AKAP10: variants seen among roughly 807,000 people sequenced by gnomAD.
AKAP10 encodes the protein A-kinase anchor protein 10, mitochondrial.
AKAP10 carries 24 observed loss-of-function variants against 80.8 expected under a neutral mutation model. The observed-to-expected ratio is 0.30, with a 90% confidence interval of 0.22 to 0.42. The LOEUF is 0.42. Ranked by LOEUF, AKAP10 falls within the 10% of genes least tolerant of loss-of-function variation. AKAP10 has a pLI of 1.00. For synonymous variants in AKAP10, 291 were observed against 277.7 expected (o/e 1.05, Z -0.48); for missense variants, 661 against 794.9 (o/e 0.83, Z 2.03).
chr17:19,941,877 G>A lies in AKAP10; in HGVS notation c.1010C>T (p.Pro337Leu). The change falls in exon 6 of 15, where the codon CCC (proline) becomes CTC (leucine). Residue 337 changes from proline (P) to leucine (L), a missense_variant. Pro to Leu is a moderately conservative substitution (Grantham distance 98, BLOSUM62 -3). Coordinates refer to ENST00000225737, the MANE Select transcript of AKAP10 (RefSeq NM_007202.4). ...RICGEDGQVD[P>L]NCFVLAQSIV... ...GGACTGTGCCAAAACGAAACAGTTG[G>A]GATCCACCTGTCCATCTTCTCCACA... is the stretch of plus-strand genomic sequence containing the variant. The A allele has an allele frequency of 6.2e-7, 1 of 1,610,714 alleles. No individual in the cohort carries two copies. The highest frequency in any genetic ancestry group is 8.5e-7 in the Non-Finnish European group (1 of 1,178,504).
intron 3 of AKAP10, among the ~76,000 whole-genome samples, chr17:19,962,046 G>A (rs1387778707): frequency 6.6e-6 from 1 of 152,190 alleles, no homozygotes; most frequent in African/African-American, 2.4e-5. Context: ...TGCCCAGGAG[G>A]TGAAGGCTGC....
At chr17:19,961,079 C>T (rs1305570439) in intron 3 of AKAP10, among the ~76,000 whole-genome samples, 1 of 144,442 alleles carries the variant, frequency 6.9e-6, no homozygotes, top group African/African-American at 2.6e-5. Flanking sequence ...CAGTAGCTCA[C>T]GCCCGTAATC....
chr17:19,951,582 T>A (rs1414723257), intron 4 of AKAP10, among the ~76,000 whole-genome samples: 1 of 152,140 alleles, frequency 6.6e-6, no homozygotes, highest in East Asian at 1.9e-4. Flanking sequence ...ATGCTGTTAA[T>A]CTATAACCTT....
chr17:19,962,518 T>A (rs1447337160), intron 3 of AKAP10, among the ~76,000 whole-genome samples: 1 of 152,220 alleles, frequency 6.6e-6, no homozygotes, highest in Non-Finnish European at 1.5e-5. Flanking sequence ...TTAAAAAATA[T>A]GCTAATGTGT....
At chr17:19,940,828 CAT>C in intron 7 of AKAP10, 57 bp downstream of exon 7, 1 of 1,513,240 alleles carries the variant, frequency 6.6e-7, no homozygotes, top group South Asian at 1.4e-5. Flanking sequence ...AGGGCCCCAG[CAT>C]TGATAGTTAG....
At chr17:19,937,105 G>GA (rs35718069) in intron 8 of AKAP10, among the ~76,000 whole-genome samples, 21 of 144,976 alleles carry the variant, frequency 1.4e-4, no homozygotes, top group Non-Finnish European at 2.1e-4. Flanking sequence ...TTAAATGCGA[G>GA]AAAAAAAAAA....
chr17:19,952,284 T>C (rs8064839), intron 4 of AKAP10, among the ~76,000 whole-genome samples: 1 of 151,684 alleles, frequency 6.6e-6, no homozygotes, highest in Non-Finnish European at 1.5e-5. Context: ...GCTAACATGG[T>C]GAAAATCCGT....
At chr17:19,958,859 T>C (rs1316057985) in intron 3 of AKAP10, among the ~76,000 whole-genome samples, 1 of 135,262 alleles carries the variant, frequency 7.4e-6, no homozygotes, top group African/African-American at 3.5e-5. Context: ...TTTTTTTTTT[T>C]TTTTTTTTTG....
intron 1 of AKAP10, 58 bp downstream of exon 1, chr17:19,977,534 T>C: frequency 1.7e-6 from 2 of 1,205,724 alleles, no homozygotes; most frequent in Non-Finnish European, 2.1e-6. Flanking sequence ...CAGGCCCACC[T>C]GCCCCACCGC....
intron 1 of AKAP10, among the ~76,000 whole-genome samples, 186 bp from the exon 2 acceptor site, chr17:19,968,647 C>A (rs1396664476): frequency 6.6e-6 from 1 of 152,184 alleles, no homozygotes; most frequent in Non-Finnish European, 1.5e-5. Flanking sequence ...GACCTTGGAA[C>A]AGCATCCAGT....
At chr17:19,942,451 A>C (rs2043059738) in intron 5 of AKAP10, among the ~76,000 whole-genome samples, 1 of 152,188 alleles carries the variant, frequency 6.6e-6, no homozygotes, top group African/African-American at 2.4e-5. Flanking sequence ...GGGCACAAGA[A>C]AACTAACACT....
intron 10 of AKAP10, 125 bp downstream of exon 10, chr17:19,931,680 T>C (rs981655588): frequency 2.5e-6 from 3 of 1,184,236 alleles, no homozygotes; most frequent in Non-Finnish European, 3.4e-6. Context: ...CACAGGCCAC[T>C]GTGCCTGGCT....
chr17:19,939,920 G>A (rs1054659821), intron 7 of AKAP10, 71 bp from the exon 8 acceptor site: 2 of 1,492,104 alleles, frequency 1.3e-6, no homozygotes, highest in African/African-American at 1.4e-5. Context: ...TAATCTATAA[G>A]CTCAAATATT....
intron 1 of AKAP10, among the ~76,000 whole-genome samples, chr17:19,973,696 T>A (rs2043528058): frequency 6.6e-6 from 1 of 152,236 alleles, no homozygotes; most frequent in African/African-American, 2.4e-5. Context: ...AAGCTAAGAT[T>A]TGAATGTCAT....
rs1457291425 is a variant in AKAP10, at chr17:19,904,898, T to C, written c.*1329A>G. 6.6e-6 allele frequency: 1 copy of C among 151,990 alleles called. No individual in the cohort carries two copies. Among genetic ancestry groups the C allele is most frequent in the Non-Finnish European group, 1.5e-5 (1 of 67,990 alleles). The allele number at this position is 151,990 out of a possible 1,614,324, so 9.4% of individuals were successfully genotyped here. ...ACCAAAAACTTACACAAAGCCTTTT[T>C]GCTTCTTCTGTCGATGAAACAGTGT... On this transcript the variant is annotated 3_prime_UTR_variant, in exon 15 of 15. Coordinates refer to ENST00000225737, the MANE Select transcript of AKAP10 (RefSeq NM_007202.4).
At chr17:19,958,842 C>CTTT (rs772496178) in intron 3 of AKAP10, among the ~76,000 whole-genome samples, 34 of 92,968 alleles carry the variant, frequency 3.7e-4, no homozygotes, top group Non-Finnish European at 6.7e-4. Flanking sequence ...CATGTAAATT[C>CTTT]TTTTTTTTTT....
chr17:19,936,235 T>A, intron 9 of AKAP10, 51 bp downstream of exon 9: 1 of 1,569,830 alleles, frequency 6.4e-7, no homozygotes, highest in South Asian at 1.2e-5. Flanking sequence ...ATTTTATGAG[T>A]TCTACCAATA....
intron 12 of AKAP10, among the ~76,000 whole-genome samples, chr17:19,911,242 C>A (rs538841066): frequency 6.6e-6 from 1 of 152,024 alleles, no homozygotes; most frequent in Non-Finnish European, 1.5e-5. Context: ...TCGTCAGGCC[C>A]CCCTGCAGAG....
intron 7 of AKAP10, 124 bp downstream of exon 7, chr17:19,940,763 C>T: frequency 8.7e-7 from 1 of 1,149,884 alleles, no homozygotes; most frequent in Non-Finnish European, 1.2e-6. Context: ...CAACTTGAAA[C>T]AATGATACAT....
Sources: allele counts gnomAD v4.1 joint callset (sites outside exome capture counted in the v4.1 genomes callset), GRCh38; gene constraint gnomAD v4.1.1; transcripts MANE v1.5; gene names NCBI Gene and HGNC (gene_info 2026-07-23, HGNC 2026-07-21).